Variants in MAGI1 observed in about 807,000 individuals in gnomAD.
MAGI1 encodes the protein membrane-associated guanylate kinase, WW and PDZ domain-containing protein 1.
MAGI1 carries 58 observed loss-of-function variants against 139.9 expected under a neutral mutation model. The observed-to-expected ratio is 0.41, with a 90% CI of 0.34 to 0.52. The LOEUF is 0.52. MAGI1 is among the 20% of genes least tolerant of loss of function. The probability of loss-of-function intolerance (pLI) is 0.12; values close to 1 mark genes in which losing one functional copy is unlikely to be tolerated. For synonymous variants in MAGI1, 812 were observed against 737.9 expected (o/e 1.10, Z -1.63); for missense variants, 1,874 against 1,901.6 (o/e 0.99, Z 0.27).
chr3:65,789,136 G>A (rs1038117570), intron 1 of MAGI1, among the ~76,000 whole-genome samples: 2 of 152,210 alleles, frequency 1.3e-5, no homozygotes, highest in Admixed American at 6.5e-5. Context: ...AGCTATGATC[G>A]CACCACTGCA....
At chr3:65,867,661 G>C (rs760395916) in intron 1 of MAGI1, among the ~76,000 whole-genome samples, 3 of 152,164 alleles carry the variant, frequency 2.0e-5, no homozygotes, top group Non-Finnish European at 4.4e-5. Context: ...GCTGAGGTGG[G>C]AGAATTACAT....
chr3:65,945,728 A>T (rs531751371), intron 1 of MAGI1, among the ~76,000 whole-genome samples: 2 of 152,288 alleles, frequency 1.3e-5, no homozygotes, highest in South Asian at 2.1e-4. Flanking sequence ...CTTGCCTATA[A>T]ATTTATTCTG....
At chr3:65,573,524 A>G (rs552279759) in intron 2 of MAGI1, among the ~76,000 whole-genome samples, 94 of 151,364 alleles carry the variant, frequency 6.2e-4, no homozygotes, top group Non-Finnish European at 1.0e-3. Context: ...AGAAACTCCC[A>G]CATTTATTGC....
intron 9 of MAGI1, among the ~76,000 whole-genome samples, chr3:65,438,752 T>C (rs1258151916): frequency 1.3e-5 from 2 of 152,218 alleles, no homozygotes; most frequent in Non-Finnish European, 2.9e-5. Context: ...GGAGAATACT[T>C]TGTGACATAT....
chr3:65,877,626 G>A (rs2060165870), intron 1 of MAGI1, among the ~76,000 whole-genome samples: 1 of 152,138 alleles, frequency 6.6e-6, no homozygotes, highest in African/African-American at 2.4e-5. Flanking sequence ...ACAGTCACCT[G>A]TATTTTAGTT....
At chr3:65,740,374 C>T (rs755201989) in intron 1 of MAGI1, among the ~76,000 whole-genome samples, 18 of 152,152 alleles carry the variant, frequency 1.2e-4, no homozygotes, top group Admixed American at 3.3e-4. Flanking sequence ...TGTACCACTG[C>T]AAAAACCAGT....
intron 1 of MAGI1, among the ~76,000 whole-genome samples, chr3:65,659,621 C>T (rs373416879): frequency 6.6e-6 from 1 of 152,300 alleles, no homozygotes; most frequent in East Asian, 1.9e-4. Flanking sequence ...AAACCGCAAA[C>T]CCCACGGCAT....
intron 2 of MAGI1, among the ~76,000 whole-genome samples, chr3:65,583,396 G>A (rs1037578473): frequency 1.3e-5 from 2 of 152,198 alleles, no homozygotes; most frequent in African/African-American, 4.8e-5. Context: ...GGAGAGGGCT[G>A]CTAACCAGGA....
At chr3:65,902,604 AGCCTGTG>A (rs2061278524) in intron 1 of MAGI1, 1 of 152,752 alleles carries the variant, frequency 6.5e-6, no homozygotes, top group Admixed American at 6.5e-5. Context: ...TACCTGTACC[AGCCTGTG>A]GCTCCCTCCC....
intron 1 of MAGI1, among the ~76,000 whole-genome samples, chr3:65,666,003 A>G (rs1232796266): frequency 2.0e-5 from 3 of 152,122 alleles, no homozygotes; most frequent in Non-Finnish European, 4.4e-5. Context: ...ACTTTTTTAA[A>G]CCATTAAGGA....
At chr3:65,382,109 T>G in intron 15 of MAGI1, 40 bp from the exon 16 acceptor site, 1 of 1,471,628 alleles carries the variant, frequency 6.8e-7, no homozygotes, top group Non-Finnish European at 9.4e-7. Flanking sequence ...ATTGCTCTCC[T>G]ATGTTTACTG....
chr3:65,422,097 C>T (rs6769929), intron 12 of MAGI1, among the ~76,000 whole-genome samples: 141,449 of 152,324 alleles, frequency 0.93, 65,752 homozygotes, highest in Middle Eastern at 0.98. Flanking sequence ...AACTGTGCTG[C>T]GTAACAGTAC....
chr3:65,813,876 A>G (rs1427011843), intron 1 of MAGI1, among the ~76,000 whole-genome samples: 2 of 152,196 alleles, frequency 1.3e-5, no homozygotes, highest in Admixed American at 6.5e-5. Context: ...GAAAAGCTCA[A>G]TGAGTCTCTC....
rs570609806 is a variant in MAGI1, at chr3:65,586,187, G to A, written c.430+35785C>T. Among the ~76,000 whole-genome samples the A allele has an allele frequency of 2.6e-5, 4 of 151,740 alleles. No individual in the cohort carries two copies. The South Asian group carries it at 8.3e-4, about 32-fold the overall frequency. ...GTCATGCCACTGTACTCTAGCCTGA[G>A]CAACAGAAAGAGACCCTGTCTAAAA... On this transcript the variant is annotated intron_variant, in intron 2 of 22. Coordinates refer to ENST00000402939, the MANE Select transcript of MAGI1 (RefSeq NM_001033057.2).
intron 1 of MAGI1, among the ~76,000 whole-genome samples, chr3:65,775,472 A>AG (rs2107968579): frequency 8.3e-6 from 1 of 121,090 alleles, no homozygotes; most frequent in African/African-American, 3.0e-5. Context: ...AATTTTTTTA[A>AG]GTGTTTTTTT....
intron 1 of MAGI1, among the ~76,000 whole-genome samples, chr3:65,801,924 G>A (rs1278639074): frequency 6.6e-6 from 1 of 152,120 alleles, no homozygotes; most frequent in African/African-American, 2.4e-5. Flanking sequence ...TGGGCCTCCT[G>A]TGATATCAGC....
chr3:65,695,964 C>T (rs1264721334), intron 1 of MAGI1, among the ~76,000 whole-genome samples: 3 of 152,142 alleles, frequency 2.0e-5, no homozygotes, highest in Admixed American at 1.3e-4. Flanking sequence ...GAATGACCCT[C>T]CCAAAGGTAA....
chr3:65,807,954 C>T (rs1420169991), intron 1 of MAGI1, among the ~76,000 whole-genome samples: 3 of 151,594 alleles, frequency 2.0e-5, no homozygotes, highest in African/African-American at 2.4e-5. Flanking sequence ...TGGTGGCTCA[C>T]GCCTGTAATC....
At chr3:65,594,904 G>T (rs2082114894) in intron 2 of MAGI1, among the ~76,000 whole-genome samples, 1 of 152,090 alleles carries the variant, frequency 6.6e-6, no homozygotes, top group South Asian at 2.1e-4. Context: ...TCTATTCCAT[G>T]CAAGCCTAAT....
Sources: allele counts gnomAD v4.1 joint callset (sites outside exome capture counted in the v4.1 genomes callset), GRCh38; gene constraint gnomAD v4.1.1; transcripts MANE v1.5; gene names NCBI Gene and HGNC (gene_info 2026-07-23, HGNC 2026-07-21).